CPQ: variants seen among roughly 807,000 people sequenced by gnomAD.
The protein encoded by CPQ is Ser-Met dipeptidase.
A neutral mutation model predicts 45.7 loss-of-function variants in CPQ; 37 were observed. The ratio of observed to expected loss-of-function variants is 0.81; its 90% CI spans 0.62 to 1.07. The LOEUF is 1.07. CPQ is among the 50% of genes least tolerant of loss of function. The probability of loss-of-function intolerance (pLI) is 0.00; values close to 1 mark genes in which losing one functional copy is unlikely to be tolerated. For synonymous variants in CPQ, 186 were observed against 205.8 expected (o/e 0.90, Z 0.82); for missense variants, 537 against 572.9 (o/e 0.94, Z 0.64).
intron 6 of CPQ, among the ~76,000 whole-genome samples, chr8:97,039,824 A>G (rs1320517631): frequency 6.6e-6 from 1 of 152,136 alleles, no homozygotes; most frequent in Non-Finnish European, 1.5e-5. Context: ...CATCATTTTT[A>G]TGGCTGCATA....
intron 2 of CPQ, among the ~76,000 whole-genome samples, chr8:96,807,908 A>G (rs1274072276): frequency 6.6e-6 from 1 of 152,170 alleles, no homozygotes; most frequent in Non-Finnish European, 1.5e-5. Flanking sequence ...CAGTTTGTCA[A>G]ACAGTTGAAT....
At chr8:96,671,189 T>C (rs1808997179) in intron 1 of CPQ, among the ~76,000 whole-genome samples, 1 of 152,228 alleles carries the variant, frequency 6.6e-6, no homozygotes, top group Admixed American at 6.5e-5. Flanking sequence ...TTAAGTCTTT[T>C]TGTCAACCAG....
intron 2 of CPQ, among the ~76,000 whole-genome samples, chr8:96,830,646 CCTTTTCATTACTCTAACCGAGTCTGAT>C (rs1268519203): frequency 7.9e-5 from 12 of 152,060 alleles, no homozygotes; most frequent in South Asian, 4.1e-4. Context: ...GTATTATAAT[CCTTTTCATTACTCTAACCGAGTCTGAT>C]GACTCCTGTC....
At position 97,054,339 on chromosome 8, in the gene CPQ, T is replaced by C. The variant is rs139883643; in HGVS notation, c.1054-11670T>C. The stretch of plus-strand genomic sequence containing the variant: ...CTGCTGGTGGGAACGTAAATTAGTA[T>C]AGCCTCTATGGAAAACAGTATGGAG... On this transcript the variant is annotated intron_variant, in intron 6 of 7. Coordinates refer to ENST00000220763, the MANE Select transcript of CPQ (RefSeq NM_016134.4). Among the ~76,000 whole-genome samples the C allele has an allele frequency of 3.1e-3, 469 of 152,272 alleles. 1 individual carries two copies. The highest frequency in any genetic ancestry group is 0.011 in the African/African-American group (442 of 41,550).
At chr8:96,702,820 C>G (rs1295367958) in intron 1 of CPQ, among the ~76,000 whole-genome samples, 1 of 151,992 alleles carries the variant, frequency 6.6e-6, no homozygotes, top group Non-Finnish European at 1.5e-5. Flanking sequence ...TATTTAGTGT[C>G]ACATATTTTG....
chr8:96,965,978 A>G lies in CPQ; in HGVS notation c.893A>G (p.Gln298Arg). 6.2e-7 allele frequency: 1 copy of G among 1,614,016 alleles called. No individual in the cohort carries two copies. Among genetic ancestry groups the G allele is most frequent in the South Asian group, 1.1e-5 (1 of 91,078 alleles). ...CATCTGGACAGCTGGGATGTTGGGCAGGGTGCCATGGATGATGGCGGTGGA... is the reference window on the plus strand; with the variant it reads ...CATCTGGACAGCTGGGATGTTGGGCGGGGTGCCATGGATGATGGCGGTGGA... ...SGHLDSWDVG[Q>R]GAMDDGGGAF... The change falls in exon 5 of 8, where the codon CAG becomes CGG. Residue 298 changes from glutamine to arginine, a missense_variant. Coordinates refer to ENST00000220763, the MANE Select transcript of CPQ (RefSeq NM_016134.4).
At chr8:96,724,708 T>C (rs1405770966) in intron 1 of CPQ, among the ~76,000 whole-genome samples, 1 of 152,224 alleles carries the variant, frequency 6.6e-6, no homozygotes, top group African/African-American at 2.4e-5. Context: ...TTCAACATTA[T>C]TCCTATCAAA....
At chr8:96,879,132 G>A (rs1427148966) in intron 3 of CPQ, among the ~76,000 whole-genome samples, 1 of 152,166 alleles carries the variant, frequency 6.6e-6, no homozygotes, top group Non-Finnish European at 1.5e-5. Context: ...GAAATTAACA[G>A]GAAAATATCT....
chr8:96,776,085 A>G (rs1180448205), intron 1 of CPQ, among the ~76,000 whole-genome samples: 1 of 152,234 alleles, frequency 6.6e-6, no homozygotes, highest in Non-Finnish European at 1.5e-5. Context: ...TGAGTTCTCA[A>G]TAAGCTTTCT....
chr8:96,765,792 C>T (rs192431258), intron 1 of CPQ, among the ~76,000 whole-genome samples: 116 of 152,100 alleles, frequency 7.6e-4, no homozygotes, highest in African/African-American at 2.5e-3. Context: ...TTAATTCTGG[C>T]CCCCCCATTC....
intron 6 of CPQ, among the ~76,000 whole-genome samples, chr8:97,040,086 T>G (rs1328964401): frequency 6.7e-6 from 1 of 149,760 alleles, no homozygotes; most frequent in Non-Finnish European, 1.5e-5. Context: ...TGAACTAGTT[T>G]ACAGTCCCAC....
intron 5 of CPQ, among the ~76,000 whole-genome samples, chr8:96,987,455 A>G (rs1809006131): frequency 6.6e-6 from 1 of 152,186 alleles, no homozygotes; most frequent in Non-Finnish European, 1.5e-5. Context: ...GAAAGAAGAG[A>G]GAGAGAAAGT....
intron 1 of CPQ, among the ~76,000 whole-genome samples, chr8:96,646,959 T>A (rs1815525543): frequency 6.6e-6 from 1 of 152,208 alleles, no homozygotes; most frequent in Non-Finnish European, 1.5e-5. Context: ...AAGATTTTCT[T>A]CTACATTGTC....
chr8:96,966,184 A>C (rs1813556831), intron 5 of CPQ, 138 bp downstream of exon 5: 1 of 587,738 alleles, frequency 1.7e-6, no homozygotes, highest in East Asian at 3.0e-5. Flanking sequence ...CCAGAAAAGA[A>C]ACAACTTATG....
chr8:96,774,944 G>T (rs1369437952), intron 1 of CPQ, among the ~76,000 whole-genome samples: 1 of 152,172 alleles, frequency 6.6e-6, no homozygotes, highest in African/African-American at 2.4e-5. Context: ...AAAAGAAATA[G>T]AGTTTATTTT....
chr8:96,998,952 A>G (rs1353967180), intron 5 of CPQ, among the ~76,000 whole-genome samples: 6 of 152,056 alleles, frequency 3.9e-5, no homozygotes, highest in Non-Finnish European at 7.4e-5. Flanking sequence ...AAGAAGGTAC[A>G]TGATACTAGC....
rs1301825047 is a variant in CPQ at position 96,916,815 on chromosome 8, A to G, written c.849+36810A>G. On this transcript the variant is annotated intron_variant, in intron 4 of 7. Coordinates refer to ENST00000220763, the MANE Select transcript of CPQ (RefSeq NM_016134.4). ...GATGGCCTTTACAGTTTGGAAGAGC[A>G]TGGTCAGATATTTTGTACCATGCTT... 3.3e-5 allele frequency among the ~76,000 whole-genome samples: 5 copies of G among 152,212 alleles called. No homozygotes were observed. The East Asian group carries it at 9.7e-4, about 29-fold the overall frequency.
chr8:97,112,945 G>A (rs1349441423), intron 7 of CPQ, among the ~76,000 whole-genome samples: 2 of 152,194 alleles, frequency 1.3e-5, no homozygotes, highest in African/African-American at 4.8e-5. Flanking sequence ...GCCATTTCGG[G>A]GATAGTTTGC....
chr8:96,660,282 GTGCA>G (rs1184013754), intron 1 of CPQ, among the ~76,000 whole-genome samples: 1 of 151,850 alleles, frequency 6.6e-6, no homozygotes, highest in Non-Finnish European at 1.5e-5. Flanking sequence ...TCTTCTCTCT[GTGCA>G]TGCACACCCC....
Sources: allele counts gnomAD v4.1 joint callset (sites outside exome capture counted in the v4.1 genomes callset), GRCh38; gene constraint gnomAD v4.1.1; transcripts MANE v1.5; gene names NCBI Gene and HGNC (gene_info 2026-07-23, HGNC 2026-07-21).